Variants in UBAC1 observed in about 807,000 individuals in gnomAD.
The protein encoded by UBAC1 is UBA domain containing 1, also known as ubiquitin-associated domain-containing protein 1.
A neutral mutation model predicts 45.9 loss-of-function variants in UBAC1; 27 were observed. That is an observed-to-expected ratio of 0.59 (90% CI 0.43 to 0.81). The LOEUF (loss-of-function observed/expected upper bound fraction) is 0.81, where lower values mean the gene tolerates loss of function less well. UBAC1 is among the 30% of genes least tolerant of loss of function. UBAC1 has a pLI of 0.00. For synonymous variants in UBAC1, 227 were observed against 215.5 expected (o/e 1.05, Z -0.47); for missense variants, 529 against 539.2 (o/e 0.98, Z 0.19).
intron 9 of UBAC1, among the ~76,000 whole-genome samples, chr9:135,937,428 G>A (rs190153155): frequency 3.0e-4 from 36 of 121,468 alleles, no homozygotes; most frequent in Non-Finnish European, 4.6e-4. Flanking sequence ...GTGACAAGGC[G>A]AGACTCTGTC....
In UBAC1 at chr9:135,942,524, G is replaced by A. The variant is rs1286428729; in HGVS notation, c.876+2504C>T. 2.6e-5 allele frequency among the ~76,000 whole-genome samples: 4 copies of A among 152,142 alleles called. No homozygotes were observed. The East Asian group carries it at 7.7e-4, about 29-fold the overall frequency. ...AAATAAAAAATTAGCCCTGTGTGGT[G>A]GTGCGTGCCTGTAAGAGCTACTCAG... is the stretch of plus-strand genomic sequence containing the variant. On this transcript the variant is annotated intron_variant, in intron 7 of 9. Transcript: ENST00000371756.
intron 1 of UBAC1, among the ~76,000 whole-genome samples, chr9:135,959,737 T>G (rs1017656959): frequency 4.5e-4 from 68 of 152,214 alleles, no homozygotes; most frequent in African/African-American, 1.5e-3. Flanking sequence ...ACAGCCTGGA[T>G]GCCCACGGAG....
chr9:135,945,108 T>G lies in UBAC1; in HGVS notation c.796A>C (p.Thr266Pro), dbSNP rs139530690. 1.8e-5 allele frequency: 29 copies of G among 1,613,950 alleles called. No homozygotes were observed. Among genetic ancestry groups the G allele is most frequent in the Non-Finnish European group, 2.4e-5 (28 of 1,180,000 alleles). Residue 266 changes from threonine (T) to proline (P), a missense_variant, in exon 7 of 10, where the codon ACC (threonine) becomes CCC (proline). By Grantham distance (38) the Thr-to-Pro change is conservative. Transcript: ENST00000371756. ...AGCTCATCTCTGGCCTCCTCATCGG[T>G]GGCGCTGGCTCCCGCGGCAGCCTCG... Reference protein sequence around the residue: ...ASEAAAGASATDEEARDELTE... With the variant: ...ASEAAAGASAPDEEARDELTE...
chr9:135,958,942 C>T (rs1033505546), intron 1 of UBAC1, among the ~76,000 whole-genome samples: 9 of 152,162 alleles, frequency 5.9e-5, no homozygotes, highest in African/African-American at 2.2e-4. Context: ...AGAATAATGA[C>T]AAAACATCCC....
chr9:135,952,137 G>C (rs1839413131), intron 3 of UBAC1, among the ~76,000 whole-genome samples: 1 of 152,260 alleles, frequency 6.6e-6, no homozygotes, highest in Admixed American at 6.5e-5. Flanking sequence ...AGATGGGTGG[G>C]GCGGCAGCCT....
At chr9:135,948,156 G>A (rs1347936324) in intron 3 of UBAC1, 4 of 424,786 alleles carry the variant, frequency 9.4e-6, no homozygotes, top group Non-Finnish European at 1.7e-5. Flanking sequence ...CAGGAGCAAG[G>A]GTCACAGAAC....
intron 9 of UBAC1, 34 bp downstream of exon 9, chr9:135,938,188 G>T (rs376076369): frequency 2.0e-5 from 32 of 1,607,028 alleles, no homozygotes; most frequent in Non-Finnish European, 2.6e-5. Context: ...CAGCCTCCCC[G>T]ACCCGAGACT....
chr9:135,958,933 G>T (rs1284721714), intron 1 of UBAC1, among the ~76,000 whole-genome samples: 1 of 152,112 alleles, frequency 6.6e-6, no homozygotes, highest in African/African-American at 2.4e-5. Flanking sequence ...ATTTAAAGTA[G>T]AATAATGACA....
At chr9:135,945,648 G>T in intron 6 of UBAC1, 2 of 569,956 alleles carry the variant, frequency 3.5e-6, no homozygotes, top group East Asian at 2.8e-5. Context: ...TCCCTGCTAC[G>T]AACGGGATTC....
At chr9:135,947,979 G>A (rs1308963721) in intron 3 of UBAC1, 74 bp from the exon 4 acceptor site, 19 of 1,386,110 alleles carry the variant, frequency 1.4e-5, no homozygotes, top group Admixed American at 6.2e-5. Context: ...CTGAATCAGC[G>A]GAGCTCTGCC....
At chr9:135,953,858 G>T (rs2131093305) in intron 2 of UBAC1, 105 bp from the exon 3 acceptor site, 1 of 935,580 alleles carries the variant, frequency 1.1e-6, no homozygotes, top group Non-Finnish European at 1.6e-6. Context: ...CAGGGATTCG[G>T]CCGGGCGCAG....
At chr9:135,960,351 G>A (rs570010737) in intron 1 of UBAC1, among the ~76,000 whole-genome samples, 3 of 152,284 alleles carry the variant, frequency 2.0e-5, no homozygotes, top group East Asian at 3.9e-4. Context: ...TCTCCGCGAG[G>A]AGACCCTACT....
At chr9:135,946,222 G>A in intron 5 of UBAC1, 47 bp downstream of exon 5, 1 of 1,373,198 alleles carries the variant, frequency 7.3e-7, no homozygotes, top group Non-Finnish European at 1.0e-6. Flanking sequence ...GCTCCCCAAG[G>A]CCGGCAGTGA....
chr9:135,951,964 G>A (rs555212384), intron 3 of UBAC1, among the ~76,000 whole-genome samples: 11 of 152,354 alleles, frequency 7.2e-5, no homozygotes, highest in South Asian at 2.1e-4. Context: ...GTGGGGCAAC[G>A]GGTGTATGGT....
chr9:135,946,558 G>A (rs150041834), intron 4 of UBAC1, among the ~76,000 whole-genome samples, 187 bp from the exon 5 acceptor site: 28 of 152,350 alleles, frequency 1.8e-4, no homozygotes, highest in African/African-American at 6.3e-4. Flanking sequence ...CCTGCAGGTG[G>A]GACTGAAGCC....
rs1386936226 is a variant in UBAC1 at position 135,961,163 on chromosome 9, CCCG to C, written c.-4_-2del. The C allele has an allele frequency of 2.3e-5, 35 of 1,546,952 alleles. No individual in the cohort carries two copies. The highest frequency in any genetic ancestry group is 1.7e-4 in the Admixed American group (9 of 52,540). On this transcript the variant is annotated 5_prime_UTR_variant, in exon 1 of 10. Transcript: ENST00000371756. Reference sequence around the variant, plus strand: ...AGATCTTCTCCTCCTGCACGAACATCCCGCCGCCGCCGCAGGGGCCTGCGCCCG... The same window carrying C: ...AGATCTTCTCCTCCTGCACGAACATCCCGCCGCCGCAGGGGCCTGCGCCCG...
intron 1 of UBAC1, among the ~76,000 whole-genome samples, chr9:135,960,776 C>T (rs982143075): frequency 6.6e-6 from 1 of 152,084 alleles, no homozygotes; most frequent in Non-Finnish European, 1.5e-5. Flanking sequence ...ACGGGGCGAG[C>T]GCTTAGTGAC....
chr9:135,947,597 G>A (rs1009439076), intron 4 of UBAC1: 3 of 488,370 alleles, frequency 6.1e-6, no homozygotes, highest in Non-Finnish European at 1.1e-5. Context: ...GCCTTCAGAT[G>A]GCTTTCCAAC....
At chr9:135,955,826 C>G (rs1251656633) in intron 1 of UBAC1, among the ~76,000 whole-genome samples, 6 of 152,164 alleles carry the variant, frequency 3.9e-5, no homozygotes, top group Non-Finnish European at 8.8e-5. Context: ...TGAAAGGGGC[C>G]AGAAAGGCTG....
Sources: gnomAD v4.1 joint callset for allele counts (sites outside exome capture counted in the v4.1 genomes callset) on GRCh38, gnomAD v4.1.1 for gene constraint, MANE v1.5 for transcripts, NCBI Gene and HGNC (gene_info 2026-07-23, HGNC 2026-07-21) for gene names.